The following ZNF429 variants were observed in gnomAD, a reference collection of about 807,000 sequenced individuals.
ZNF429 encodes zinc finger protein 429.
ZNF429 carries 53 observed loss-of-function variants against 56.8 expected under a neutral mutation model. The observed-to-expected ratio is 0.93, with a 90% CI of 0.75 to 1.17. ZNF429 has a LOEUF of 1.17. Among genes scored for constraint, ZNF429 ranks in the 50% most tolerant of loss-of-function variants. The pLI is 0.00. For synonymous variants in ZNF429, 278 were observed against 264.7 expected, an observed-to-expected ratio of 1.05 and a Z score of -0.49; for missense variants, 849 against 788.4, an observed-to-expected ratio of 1.08 and a Z score of -0.92.
rs568863787 is a variant in ZNF429 at position 21,506,618 on chromosome 19, A to G, written c.3+844A>G. Among the ~76,000 whole-genome samples the G allele has an allele frequency of 6.4e-4, 97 of 152,044 alleles. No individual in the cohort carries two copies. In the South Asian group the frequency reaches 0.02, roughly 31 times the overall value. ...ACGCAAATTCAGTTATTGGTTAGGT[A>G]GGGTTACGTAGTTTCTTAATTTCCA... is the stretch of plus-strand genomic sequence containing the variant. On this transcript the variant is annotated intron_variant, in intron 1 of 3. Transcript: ENST00000358491.
intron 1 of ZNF429, among the ~76,000 whole-genome samples, chr19:21,523,699 T>C (rs1375130452): frequency 6.6e-6 from 1 of 152,266 alleles, no homozygotes; most frequent in Non-Finnish European, 1.5e-5. Context: ...CTAATTGAAG[T>C]GTAGATTCCA....
chr19:21,535,507 C>CTTTTCTTTTCTTTTCTTTTCT, intron 3 of ZNF429, among the ~76,000 whole-genome samples: 3 of 88,452 alleles, frequency 3.4e-5, no homozygotes, highest in African/African-American at 9.5e-5. Context: ...TTCTTTCTTT[C>CTTTTCTTTTCTTTTCTTTTCT]TTTCTTTCCT....
Position 21,535,403 on chromosome 19 carries a change from T to C in ZNF429, c.227-877T>C. Among the ~76,000 whole-genome samples the C allele has an allele frequency of 6.1e-4, 29 of 47,552 alleles. 3 individuals are homozygous for C. The highest frequency in any genetic ancestry group is 3.0e-3 in the South Asian group (4 of 1,324). 31.2% of individuals were successfully genotyped at this position (47,552 alleles called of 152,430 possible). A position where few individuals can be genotyped will look rare whatever the true frequency, so the allele number is the denominator to read the frequency against. ...TTTTTTACTTTCTTTCTTTCTTTCT[T>C]TCTTTTTCTTTTCTTTCTTTCTTTC... is the stretch of plus-strand genomic sequence containing the variant. On this transcript the variant is annotated intron_variant, in intron 3 of 3. Transcript: ENST00000358491.
intron 1 of ZNF429, among the ~76,000 whole-genome samples, chr19:21,521,078 T>C (rs995144201): frequency 9.2e-5 from 14 of 152,238 alleles, no homozygotes; most frequent in African/African-American, 2.9e-4. Context: ...TACATAGATA[T>C]TTGTATCTAA....
At position 21,537,283 on chromosome 19, in the gene ZNF429, A is replaced by G. The variant is rs751956038; in HGVS notation, c.1230A>G (p.Ser410=). The G allele has an allele frequency of 3.1e-6, 5 of 1,613,956 alleles. No homozygotes were observed. The highest frequency in any genetic ancestry group is 3.3e-5 in the Admixed American group (2 of 60,002). Residue 410 remains serine, a synonymous_variant, in exon 4 of 4, where the codon TCA becomes TCG. Coordinates refer to ENST00000358491, the MANE Select transcript of ZNF429 (RefSeq NM_001001415.4). The part of the protein sequence containing the change: ...EKCGRVFTCS[S]TLTQDKKIHT... ...GTGGCAGAGTTTTTACCTGTTCCTC[A>G]ACACTTACTCAAGACAAGAAAATTC...
chr19:21,513,528 G>A (rs912473944), intron 1 of ZNF429, among the ~76,000 whole-genome samples: 1 of 152,148 alleles, frequency 6.6e-6, no homozygotes, highest in Non-Finnish European at 1.5e-5. Context: ...ACCAAGCCCT[G>A]AATCTGGGTC....
chr19:21,506,590 A>T (rs1159990186), intron 1 of ZNF429, among the ~76,000 whole-genome samples: 1 of 152,082 alleles, frequency 6.6e-6, no homozygotes, highest in Non-Finnish European at 1.5e-5. Context: ...GCATGGTACA[A>T]AAACGCAAAT....
chr19:21,524,206 G>C (rs1044269173), intron 1 of ZNF429, among the ~76,000 whole-genome samples: 1 of 152,184 alleles, frequency 6.6e-6, no homozygotes, highest in African/African-American at 2.4e-5. Flanking sequence ...AAAGTATCCA[G>C]AGCCATAACA....
At chr19:21,535,307 C>CTTTCTTTCTT in intron 3 of ZNF429, among the ~76,000 whole-genome samples, 1 of 128,786 alleles carries the variant, frequency 7.8e-6, no homozygotes, top group African/African-American at 3.5e-5. Context: ...TTCTTTCTTT[C>CTTTCTTTCTT]TTTCTTTCTT....
At chr19:21,530,773 C>A in intron 3 of ZNF429, 89 bp downstream of exon 3, 2 of 990,768 alleles carry the variant, frequency 2.0e-6, no homozygotes, top group Non-Finnish European at 2.9e-6. Flanking sequence ...ATTTGGGAAG[C>A]TATGTTTCAA....
chr19:21,535,900 T>C, intron 3 of ZNF429, among the ~76,000 whole-genome samples: 39 of 152,180 alleles, frequency 2.6e-4, no homozygotes, highest in Non-Finnish European at 8.8e-5. Context: ...GAAATAAAGA[T>C]GTATGTGCCA....
At chr19:21,532,420 CAAA>C in intron 3 of ZNF429, among the ~76,000 whole-genome samples, 1 of 151,496 alleles carries the variant, frequency 6.6e-6, no homozygotes, top group Admixed American at 6.6e-5. Context: ...GAAAAATTAA[CAAA>C]AAAACACTAC....
intron 1 of ZNF429, among the ~76,000 whole-genome samples, chr19:21,520,822 A>T (rs952338868): frequency 7.2e-5 from 11 of 152,194 alleles, no homozygotes; most frequent in Non-Finnish European, 1.5e-4. Flanking sequence ...TTTGGTTTCT[A>T]TTTATTACTT....
At chr19:21,528,929 C>G (rs899669796) in intron 1 of ZNF429, among the ~76,000 whole-genome samples, 1 of 151,922 alleles carries the variant, frequency 6.6e-6, no homozygotes, top group Non-Finnish European at 1.5e-5. Context: ...CTCTGACAGA[C>G]TGTTTTACTA....
intron 1 of ZNF429, chr19:21,521,749 T>G (rs997664394): frequency 1.3e-5 from 2 of 152,922 alleles, no homozygotes; most frequent in African/African-American, 4.8e-5. Flanking sequence ...GTGAGAACTC[T>G]TGGAGCATCT....
intron 1 of ZNF429, among the ~76,000 whole-genome samples, chr19:21,511,672 G>C (rs1018489904): frequency 2.8e-4 from 43 of 151,772 alleles, no homozygotes; most frequent in African/African-American, 9.7e-4. Flanking sequence ...TCCCAGACGG[G>C]GTGGCGGCCG....
chr19:21,531,437 T>C, intron 3 of ZNF429, among the ~76,000 whole-genome samples: 1 of 152,144 alleles, frequency 6.6e-6, no homozygotes. Context: ...AATGCAAAAC[T>C]GTATTGTACC....
At chr19:21,508,312 A>T (rs1377054723) in intron 1 of ZNF429, among the ~76,000 whole-genome samples, 1 of 152,138 alleles carries the variant, frequency 6.6e-6, no homozygotes, top group East Asian at 1.9e-4. Flanking sequence ...GAGGCGAGAA[A>T]TTGCAAAGTA....
chr19:21,528,459 CTT>C (rs753537392), intron 1 of ZNF429, among the ~76,000 whole-genome samples: 166 of 152,222 alleles, frequency 1.1e-3, no homozygotes, highest in Non-Finnish European at 1.5e-3. Flanking sequence ...AATCTTAACA[CTT>C]TGGGAGGCCG....
Sources: gnomAD v4.1 joint callset for allele counts (sites outside exome capture counted in the v4.1 genomes callset) on GRCh38, gnomAD v4.1.1 for gene constraint, MANE v1.5 for transcripts, NCBI Gene and HGNC (gene_info 2026-07-23, HGNC 2026-07-21) for gene names.